KIAA0319L: variants seen among roughly 807,000 people sequenced by gnomAD.
KIAA0319L encodes the protein KIAA0319 like, also known as dyslexia-associated protein KIAA0319-like protein.
In KIAA0319L, 55 loss-of-function variants were observed where a neutral mutation model predicts 120.1. That is an observed-to-expected ratio of 0.46 (90% CI 0.37 to 0.57). The LOEUF is 0.57. Among genes scored for constraint, KIAA0319L ranks in the 20% least tolerant of loss-of-function variants. The pLI, the probability that KIAA0319L is intolerant of heterozygous loss-of-function variation, is 0.00. For missense variants in KIAA0319L, 1,049 were observed against 1,255.3 expected, an observed-to-expected ratio of 0.84 and a Z score of 2.48; for synonymous variants, 398 against 471.9, an observed-to-expected ratio of 0.84 and a Z score of 2.03.
At chr1:35,486,503 G>A (rs1385439347) in intron 3 of KIAA0319L, among the ~76,000 whole-genome samples, 2 of 151,080 alleles carry the variant, frequency 1.3e-5, no homozygotes, top group African/African-American at 2.4e-5. Flanking sequence ...TTTTTTACAC[G>A]AAAACTACAG....
chr1:35,479,914 A>AT (rs1644075754), intron 3 of KIAA0319L, among the ~76,000 whole-genome samples: 1 of 150,558 alleles, frequency 6.6e-6, no homozygotes, highest in Non-Finnish European at 1.5e-5. Context: ...AAAAGAAAAA[A>AT]AAAAAGTAAA....
chr1:35,489,656 T>C (rs185041268), intron 3 of KIAA0319L, among the ~76,000 whole-genome samples: 39 of 151,550 alleles, frequency 2.6e-4, no homozygotes, highest in Admixed American at 1.8e-3. Context: ...GTATTCTTTG[T>C]TTTGTTTCTT....
intron 2 of KIAA0319L, among the ~76,000 whole-genome samples, chr1:35,532,869 C>T (rs191033014): frequency 6.6e-6 from 1 of 152,266 alleles, no homozygotes; most frequent in East Asian, 1.9e-4. Flanking sequence ...AAAGCCAATT[C>T]CCCTCTTTCT....
At chr1:35,476,347 T>G (rs1643896648) in intron 4 of KIAA0319L, among the ~76,000 whole-genome samples, 1 of 152,252 alleles carries the variant, frequency 6.6e-6, no homozygotes, top group African/African-American at 2.4e-5. Context: ...ATATAAATCT[T>G]ATTTCTCTGA....
chr1:35,434,065 G>C lies in KIAA0319L; in HGVS notation c.*829C>G, dbSNP rs1222171484. 4 of 152,170 alleles carry C rather than the reference G, an allele frequency of 2.6e-5. No individual in the cohort carries two copies. Among genetic ancestry groups the C allele is most frequent in the African/African-American group, 4.8e-5 (2 of 41,268 alleles). 9.4% of individuals were successfully genotyped at this position (152,170 alleles called of 1,614,324 possible). On this transcript the variant is annotated 3_prime_UTR_variant, in exon 21 of 21. Coordinates refer to ENST00000325722, the MANE Select transcript of KIAA0319L (RefSeq NM_024874.5). ...AGGGAGTGGGGCTCCAGTGTTAAGG[G>C]GGGGCCAGATATCATTTCTTTTTTT...
chr1:35,527,425 TAG>T (rs1313147090), intron 2 of KIAA0319L, among the ~76,000 whole-genome samples: 1 of 152,150 alleles, frequency 6.6e-6, no homozygotes, highest in East Asian at 1.9e-4. Context: ...TTCTATGAAT[TAG>T]AGAGAGTTTC....
At chr1:35,473,635 C>T (rs1465620995) in intron 5 of KIAA0319L, among the ~76,000 whole-genome samples, 4 of 152,106 alleles carry the variant, frequency 2.6e-5, no homozygotes, top group Admixed American at 1.3e-4. Flanking sequence ...AAAAGCTTCT[C>T]TAGAGGAATG....
intron 19 of KIAA0319L, 96 bp from the exon 20 acceptor site, chr1:35,441,234 G>C: frequency 9.8e-7 from 1 of 1,021,608 alleles, no homozygotes; most frequent in East Asian, 2.4e-5. Flanking sequence ...ATTTTGGTGG[G>C]GCACCTACTG....
In KIAA0319L at chr1:35,506,746, C is replaced by T. The variant is rs1244571047; in HGVS notation, c.532G>A (p.Asp178Asn). The T allele has an allele frequency of 2.5e-6, 4 of 1,614,054 alleles. No homozygotes were observed. The highest frequency in any genetic ancestry group is 3.4e-6 in the Non-Finnish European group (4 of 1,180,034). Residue 178 changes from aspartate (D) to asparagine (N), a missense_variant, in exon 3 of 21, where the codon GAC (aspartate) becomes AAC (asparagine). By Grantham distance (23) the Asp-to-Asn change is conservative (BLOSUM62 1). Transcript: ENST00000325722. The surrounding 1 kb of genome is among the most constrained non-coding windows in gnomAD (Gnocchi z 4.0). ...AGCTTCCTGATTAAGCTCTGCTGGT[C>T]ACTGGAAGATACAGCAGGTCTGAGT... ...AALRPAVSSS[D>N]QQSLIRKLQK...
intron 2 of KIAA0319L, among the ~76,000 whole-genome samples, chr1:35,518,959 A>G (rs980353333): frequency 6.7e-5 from 10 of 149,782 alleles, no homozygotes; most frequent in Non-Finnish European, 1.5e-5. Context: ...AGCCAAGATC[A>G]AGAGCAAGAC....
chr1:35,436,629 G>T (rs1640811776), intron 20 of KIAA0319L, among the ~76,000 whole-genome samples: 1 of 151,912 alleles, frequency 6.6e-6, no homozygotes, highest in South Asian at 2.1e-4. Context: ...TACTTCAATA[G>T]AAAGTTTTAG....
intron 2 of KIAA0319L, among the ~76,000 whole-genome samples, chr1:35,543,204 T>C (rs963502255): frequency 6.6e-5 from 10 of 152,232 alleles, no homozygotes; most frequent in African/African-American, 2.4e-4. Flanking sequence ...ACTTGCTCAA[T>C]GCTAGCTGAA....
chr1:35,534,550 C>A (rs1348758374), intron 2 of KIAA0319L, among the ~76,000 whole-genome samples: 1 of 152,110 alleles, frequency 6.6e-6, no homozygotes, highest in Non-Finnish European at 1.5e-5. Context: ...TGGATTGTGA[C>A]AAACTGTTGA....
intron 5 of KIAA0319L, among the ~76,000 whole-genome samples, chr1:35,474,218 T>G (rs1053587818): frequency 2.0e-5 from 3 of 152,204 alleles, no homozygotes; most frequent in African/African-American, 4.8e-5. Context: ...ATGTAGGGTT[T>G]GAGATCACAG....
rs533524856 is a variant in KIAA0319L, at chr1:35,456,154, G to A, written c.1515C>T (p.Ala505=). Residue 505 remains alanine (A), a synonymous_variant, in exon 10 of 21, where the codon GCC becomes GCT. Coordinates refer to ENST00000325722, the MANE Select transcript of KIAA0319L (RefSeq NM_024874.5). ...VNKAVDYPPV[A]NAGPNQVITL... is the part of the protein sequence containing the mutation. Reference sequence around the variant, plus strand: ...TGATCACTTGGTTGGGGCCTGCGTTGGCCACAGGGGGGTAATCCACAGCTT... The same window carrying A: ...TGATCACTTGGTTGGGGCCTGCGTTAGCCACAGGGGGGTAATCCACAGCTT... 1.2e-6 allele frequency: 2 copies of A among 1,613,838 alleles called. No individual in the cohort carries two copies. The highest frequency in any genetic ancestry group is 1.3e-5 in the African/African-American group (1 of 74,986).
intron 3 of KIAA0319L, among the ~76,000 whole-genome samples, chr1:35,492,961 C>T (rs1644653838): frequency 6.6e-6 from 1 of 152,124 alleles, no homozygotes; most frequent in South Asian, 2.1e-4. Context: ...GAGTTCCACA[C>T]CAGCCTGGAC....
At chr1:35,478,124 T>C (rs1031143051) in intron 4 of KIAA0319L, among the ~76,000 whole-genome samples, 1 of 152,118 alleles carries the variant, frequency 6.6e-6, no homozygotes, top group African/African-American at 2.4e-5. Flanking sequence ...TGGAGGTCAT[T>C]ATGTTAGGTG....
chr1:35,473,224 T>C (rs1643749619), intron 5 of KIAA0319L, among the ~76,000 whole-genome samples: 1 of 151,178 alleles, frequency 6.6e-6, no homozygotes, highest in South Asian at 2.1e-4. Flanking sequence ...GCCTCTCAAG[T>C]AGCTGGGATT....
intron 5 of KIAA0319L, among the ~76,000 whole-genome samples, chr1:35,473,989 T>C (rs886927305): frequency 6.6e-6 from 1 of 152,254 alleles, no homozygotes. Flanking sequence ...GTGAAAGTAA[T>C]GTTCATATTA....
Sources: gnomAD v4.1 joint callset for allele counts (sites outside exome capture counted in the v4.1 genomes callset) on GRCh38, gnomAD v4.1.1 for gene constraint, Gnocchi (gnomAD v3.1) non-coding constraint, MANE v1.5 for transcripts, NCBI Gene and HGNC (gene_info 2026-07-23, HGNC 2026-07-21) for gene names.